The following GLMN variants were observed in gnomAD, a reference collection of about 807,000 sequenced individuals.
GLMN encodes glomulin, FKBP associated protein, also known as glomulin.
GLMN carries 75 observed loss-of-function variants against 87.8 expected under a neutral mutation model. The observed-to-expected ratio is 0.85, with a 90% CI of 0.71 to 1.04. The LOEUF (loss-of-function observed/expected upper bound fraction) is 1.04, where lower values mean the gene tolerates loss of function less well. Ranked by LOEUF, GLMN falls within the 50% of genes least tolerant of loss-of-function variation. The pLI, the probability that GLMN is intolerant of heterozygous loss-of-function variation, is 0.00. For missense variants in GLMN, 588 were observed against 658.8 expected, an observed-to-expected ratio of 0.89 and a Z score of 1.18; for synonymous variants, 206 against 221.6, an observed-to-expected ratio of 0.93 and a Z score of 0.63.
At chr1:92,362,847 T>C in the GLMN span, among the ~76,000 whole-genome samples, 2 of 152,128 alleles carry the variant, frequency 1.3e-5, no homozygotes, top group African/African-American at 4.8e-5. Context: ...AATAAAAAAA[T>C]TGCCAGGTTA....
chr1:92,260,249 C>G (rs1443616812), intron 16 of GLMN, among the ~76,000 whole-genome samples: 1 of 152,122 alleles, frequency 6.6e-6, no homozygotes. Flanking sequence ...TGGTATAATT[C>G]TTATGGTAAC....
chr1:92,323,850 A>G, the GLMN span: 3 of 1,613,926 alleles, frequency 1.9e-6, no homozygotes, highest in Admixed American at 3.3e-5. Flanking sequence ...AAAGATTAAA[A>G]GCGTCAGAAA....
chr1:92,356,797 T>G, the GLMN span, among the ~76,000 whole-genome samples: 5 of 151,426 alleles, frequency 3.3e-5, no homozygotes, highest in Non-Finnish European at 7.4e-5. Flanking sequence ...GCGCAGTGGC[T>G]CACACCTGTA....
At chr1:92,319,583 C>T in the GLMN span, among the ~76,000 whole-genome samples, 1 of 152,114 alleles carries the variant, frequency 6.6e-6, no homozygotes, top group Non-Finnish European at 1.5e-5. Context: ...AATGTAACTG[C>T]TTTCTCAGAA....
the GLMN span, chr1:92,324,248 T>C: frequency 6.2e-7 from 1 of 1,614,054 alleles, no homozygotes; most frequent in South Asian, 1.1e-5. Flanking sequence ...GGTACAGCCA[T>C]TAAACCACTG....
rs114889810 is a variant in GLMN, at chr1:92,275,752, A to G, written c.736-4100T>C. Among the ~76,000 whole-genome samples the G allele has an allele frequency of 5.9e-3, 899 of 152,316 alleles. 8 individuals carry two copies. Among genetic ancestry groups the G allele is most frequent in the African/African-American group, 0.019 (791 of 41,558 alleles). ...GATGCTTTTCAGCATACCTCTATGC[A>G]TTTAACAGTACTGATCACCTCTATC... On this transcript the variant is annotated intron_variant, in intron 7 of 18. Transcript: ENST00000370360.
the GLMN span, among the ~76,000 whole-genome samples, chr1:92,316,631 C>T: frequency 4.3e-4 from 66 of 152,252 alleles, no homozygotes; most frequent in Non-Finnish European, 8.1e-4. Flanking sequence ...AGGATGGTTA[C>T]ATATTTTTGT....
chr1:92,251,343 A>T (rs1174021818), intron 16 of GLMN, among the ~76,000 whole-genome samples: 1 of 152,196 alleles, frequency 6.6e-6, no homozygotes, highest in Non-Finnish European at 1.5e-5. Flanking sequence ...TAAAGTTGCC[A>T]AGATAATTCA....
chr1:92,288,852 T>C (rs1649076650), intron 6 of GLMN, 62 bp downstream of exon 6: 9 of 870,388 alleles, frequency 1.0e-5, no homozygotes, highest in Non-Finnish European at 1.8e-5. Context: ...TGAAGAAACA[T>C]AAAATAACTG....
At chr1:92,350,072 C>T in the GLMN span, among the ~76,000 whole-genome samples, 266 of 152,224 alleles carry the variant, frequency 1.7e-3, 3 homozygotes, top group African/African-American at 5.8e-3. Flanking sequence ...TATGAAAATA[C>T]ACCATGACCC....
At chr1:92,304,601 T>C in the GLMN span, among the ~76,000 whole-genome samples, 160 of 152,322 alleles carry the variant, frequency 1.1e-3, no homozygotes, top group Middle Eastern at 0.01. Context: ...TTGGCACAAA[T>C]CTGGGCAAAT....
intron 16 of GLMN, among the ~76,000 whole-genome samples, chr1:92,258,267 G>A (rs1654520069): frequency 6.6e-6 from 1 of 152,136 alleles, no homozygotes; most frequent in South Asian, 2.1e-4. Flanking sequence ...ATGCTGGAGA[G>A]GATGTGGAGA....
the GLMN span, among the ~76,000 whole-genome samples, chr1:92,310,953 C>T: frequency 2.6e-5 from 4 of 152,148 alleles, no homozygotes; most frequent in Admixed American, 6.5e-5. Flanking sequence ...TCCAAACTTT[C>T]GACCACTATA....
intron 11 of GLMN, among the ~76,000 whole-genome samples, chr1:92,267,259 TGAG>T (rs1655739914): frequency 6.6e-6 from 1 of 152,164 alleles, no homozygotes; most frequent in Non-Finnish European, 1.5e-5. Flanking sequence ...ACTTGAGTTA[TGAG>T]AAACATAAAG....
intron 7 of GLMN, among the ~76,000 whole-genome samples, chr1:92,279,443 C>T (rs566021693): frequency 4.4e-5 from 5 of 114,200 alleles, no homozygotes; most frequent in East Asian, 2.7e-4. Flanking sequence ...GGCAACAGAG[C>T]GAGACTCTGT....
At chr1:92,363,934 G>C in the GLMN span, among the ~76,000 whole-genome samples, 1 of 152,000 alleles carries the variant, frequency 6.6e-6, no homozygotes, top group African/African-American at 2.4e-5. Flanking sequence ...TTGTCTCTAA[G>C]GCTTCTGGTC....
chr1:92,336,315 T>C, the GLMN span: 3 of 1,514,536 alleles, frequency 2.0e-6, no homozygotes, highest in Non-Finnish European at 2.7e-6. Flanking sequence ...TATAATTTTG[T>C]TTTAAAATAA....
chr1:92,302,926 C>T (rs1334813617), upstream of GLMN, among the ~76,000 whole-genome samples: 1 of 151,664 alleles, frequency 6.6e-6, no homozygotes, highest in Non-Finnish European at 1.5e-5. Flanking sequence ...TGGCCAGGCA[C>T]GATGGCTCAT....
the GLMN span, among the ~76,000 whole-genome samples, chr1:92,307,708 A>C: frequency 7.1e-6 from 1 of 141,424 alleles, no homozygotes; most frequent in African/African-American, 2.7e-5. Context: ...ATCAATTTAA[A>C]GACACAATTA....
Sources: allele counts gnomAD v4.1 joint callset (sites outside exome capture counted in the v4.1 genomes callset), GRCh38; gene constraint gnomAD v4.1.1; transcripts MANE v1.5; gene names NCBI Gene and HGNC (gene_info 2026-07-23, HGNC 2026-07-21).